NUDT18: variants seen among roughly 807,000 people sequenced by gnomAD.
NUDT18 encodes the protein 8-oxo-dGDP phosphatase NUDT18.
NUDT18 carries 26 observed loss-of-function variants against 27.6 expected under a neutral mutation model. That is an observed-to-expected ratio of 0.94 (90% CI 0.69 to 1.31). The LOEUF (loss-of-function observed/expected upper bound fraction) is 1.31. Among genes scored for constraint, NUDT18 ranks in the 50% most tolerant of loss-of-function variants. NUDT18 has a pLI of 0.00. For synonymous variants in NUDT18, 220 were observed against 196.9 expected (o/e 1.12, Z -0.98); for missense variants, 450 against 433.4 (o/e 1.04, Z -0.34).
chr8:22,107,947 C>G, intron 2 of NUDT18, 52 bp from the exon 3 acceptor site: 1 of 1,445,914 alleles, frequency 6.9e-7, no homozygotes, highest in South Asian at 1.4e-5. Context: ...GAGAGAAGTG[C>G]AGCTCTGGCA....
In NUDT18 at chr8:22,107,790, T is replaced by A. The variant is rs749697648; in HGVS notation, c.482A>T (p.His161Leu). 9.9e-6 allele frequency: 16 copies of A among 1,613,462 alleles called. No homozygotes were observed. In the Admixed American group the frequency reaches 2.7e-4, roughly 27 times the overall value. The change falls in exon 3 of 3, where the codon CAC becomes CTC. Residue 161 changes from histidine (H) to leucine (L), a missense_variant. Coordinates refer to ENST00000611621, the MANE Select transcript of NUDT18 (RefSeq NM_024815.4). The part of the protein sequence containing the change: ...PTPLRAHDIL[H>L]LVELAAQYRQ... Reference sequence around the variant, plus strand: ...ATACTGGGCGGCTAGTTCAACCAGGTGCAGGATGTCATGGGCTCGCAGCGG... The same window carrying A: ...ATACTGGGCGGCTAGTTCAACCAGGAGCAGGATGTCATGGGCTCGCAGCGG...
rs376158822 is a variant in NUDT18 at position 22,107,779 on chromosome 8, G to C, written c.493C>G (p.Leu165Val). Residue 165 changes from leucine (L) to valine (V), a missense_variant, in exon 3 of 3, where the codon CTA becomes GTA. Transcript: ENST00000611621. ...RAHDILHLVELAAQYRQQARH... is the reference protein window; with the variant it reads ...RAHDILHLVEVAAQYRQQARH... ...GCTTGCTGGCGATACTGGGCGGCTA[G>C]TTCAACCAGGTGCAGGATGTCATGG... 1 of 1,613,568 alleles carries C rather than the reference G, an allele frequency of 6.2e-7. No homozygotes were observed. The highest frequency in any genetic ancestry group is 8.5e-7 in the Non-Finnish European group (1 of 1,179,876).
chr8:22,107,626 C>G lies in NUDT18; in HGVS notation c.646G>C (p.Val216Leu), dbSNP rs935308194. 1 of 1,613,150 alleles carries G rather than the reference C, an allele frequency of 6.2e-7. No individual in the cohort carries two copies. The highest frequency in any genetic ancestry group is 8.5e-7 in the Non-Finnish European group (1 of 1,179,842). Residue 216 changes from valine (V) to leucine (L), a missense_variant, in exon 3 of 3, where the codon GTC becomes CTC. Coordinates refer to ENST00000611621, the MANE Select transcript of NUDT18 (RefSeq NM_024815.4). The stretch of plus-strand genomic sequence containing the variant: ...ATAGGGTCGAGGCCACAGGCAGTGA[C>G]AGGCAAGTGAGGCATCCCCACTGTG... ...VGTVGMPHLP[V>L]TACGLDPMEQ...
intron 2 of NUDT18, 70 bp from the exon 3 acceptor site, chr8:22,107,965 C>T: frequency 2.1e-6 from 3 of 1,403,562 alleles, no homozygotes; most frequent in Non-Finnish European, 2.9e-6. Context: ...GCAGAGTCAA[C>T]AGACATCCCT....
Position 22,109,315 on chromosome 8 carries a change from G to T in NUDT18, c.-15C>A, listed in dbSNP as rs1826425066. 2 of 1,344,652 alleles carry T rather than the reference G, an allele frequency of 1.5e-6. No individual in the cohort carries two copies. Among genetic ancestry groups the T allele is most frequent in the African/African-American group, 1.5e-5 (1 of 64,918 alleles). 83.3% of individuals were successfully genotyped at this position (1,344,652 alleles called of 1,614,324 possible). A position where few individuals can be genotyped will look rare whatever the true frequency, so the allele number is the denominator to read the frequency against. ...TCCGAGGCCATCGGGTCCCCCGGGGGGCGGCGGGCCGGATCCTCGCAGACC... is the reference window on the plus strand; with the variant it reads ...TCCGAGGCCATCGGGTCCCCCGGGGTGCGGCGGGCCGGATCCTCGCAGACC... On this transcript the variant is annotated 5_prime_UTR_variant, in exon 1 of 3. Transcript: ENST00000611621.
rs991375210 is a variant in NUDT18, at chr8:22,109,419, G to A, written c.-119C>T. The A allele has an allele frequency of 1.0e-6, 1 of 980,714 alleles. No individual in the cohort carries two copies. The allele number at this position is 980,714 out of a possible 1,614,324, so 60.8% of individuals were successfully genotyped here. Reference sequence around the variant, plus strand: ...GCGGCAGCGGGCCGGGAGCTCACGAGAACGCGGAAGCGCACGCGAACGCGG... The same window carrying A: ...GCGGCAGCGGGCCGGGAGCTCACGAAAACGCGGAAGCGCACGCGAACGCGG... On this transcript the variant is annotated 5_prime_UTR_variant, in exon 1 of 3. Coordinates refer to ENST00000611621, the MANE Select transcript of NUDT18 (RefSeq NM_024815.4).
chr8:22,107,832 C>T lies in NUDT18; in HGVS notation c.440G>A (p.Arg147Gln). Residue 147 changes from arginine to glutamine, a missense_variant, in exon 3 of 3, where the codon CGG (arginine) becomes CAG (glutamine). Arg to Gln is a conservative substitution (Grantham distance 43). Coordinates refer to ENST00000611621, the MANE Select transcript of NUDT18 (RefSeq NM_024815.4). Reference protein sequence around the residue: ...AESLQAAWYPRTSLPTPLRAH... With the variant: ...AESLQAAWYPQTSLPTPLRAH... Reference sequence around the variant, plus strand: ...TCGCAGCGGAGTGGGCAGGGAGGTCCGTGGGTACCAGGCAGCCTGCAGGGA... The same window carrying T: ...TCGCAGCGGAGTGGGCAGGGAGGTCTGTGGGTACCAGGCAGCCTGCAGGGA... The T allele has an allele frequency of 6.2e-7, 1 of 1,610,994 alleles. No homozygotes were observed. The highest frequency in any genetic ancestry group is 8.5e-7 in the Non-Finnish European group (1 of 1,178,552).
chr8:22,107,341 G>T lies in NUDT18; in HGVS notation c.931C>A (p.Gln311Lys), dbSNP rs376403874. The change falls in exon 3 of 3, where the codon CAG (glutamine) becomes AAG (lysine). Residue 311 changes from glutamine (Q) to lysine (K), a missense_variant. By Grantham distance (53) the Gln-to-Lys change is moderately conservative (BLOSUM62 1). Coordinates refer to ENST00000611621, the MANE Select transcript of NUDT18 (RefSeq NM_024815.4). ...ACAACAGAGGATCCCTGAAGCCGCT[G>T]GAGGAGCTGGCTTTGCAGGTCTTCC... Reference protein sequence around the residue: ...MEEDLQSQLLQRLQGSSVVPV... With the variant: ...MEEDLQSQLLKRLQGSSVVPV... 4 of 1,612,690 alleles carry T rather than the reference G, an allele frequency of 2.5e-6. No individual in the cohort carries two copies. The highest frequency in any genetic ancestry group is 2.5e-6 in the Non-Finnish European group (3 of 1,179,394).
rs1470144703 is a variant in NUDT18, at chr8:22,108,294, T to C, written c.215A>G (p.Tyr72Cys). The C allele has an allele frequency of 5.7e-6, 9 of 1,592,572 alleles. No individual in the cohort carries two copies. Among genetic ancestry groups the C allele is most frequent in the African/African-American group, 2.7e-5 (2 of 74,246 alleles). ...EAKRECRGSW[Y>C]LPAGRMEPGE... is the part of the protein sequence containing the mutation. The stretch of plus-strand genomic sequence containing the variant: ...TGGCTCCATTCTCCCCGCAGGCAGG[T>C]ACCACGACCCCCGGCACTCCCTCTT... The change falls in exon 2 of 3, where the codon TAC becomes TGC. Residue 72 changes from tyrosine to cysteine, a missense_variant. Transcript: ENST00000611621.
upstream of NUDT18, chr8:22,109,465 C>G (rs1170859707): frequency 1.7e-6 from 1 of 572,840 alleles, no homozygotes; most frequent in Non-Finnish European, 2.7e-6. Flanking sequence ...GAGCTCTGGC[C>G]GCTGATAGGC....
Position 22,109,350 on chromosome 8 carries a change from G to T in NUDT18, c.-50C>A. 1 of 1,334,346 alleles carries T rather than the reference G, an allele frequency of 7.5e-7. No homozygotes were observed. The highest frequency in any genetic ancestry group is 9.5e-7 in the Non-Finnish European group (1 of 1,047,408). 82.7% of individuals were successfully genotyped at this position (1,334,346 alleles called of 1,614,324 possible). A position where few individuals can be genotyped will look rare whatever the true frequency, so the allele number is the denominator to read the frequency against. On this transcript the variant is annotated 5_prime_UTR_variant, in exon 1 of 3. Transcript: ENST00000611621. ...CGGATCCTCGCAGACCGACTGAGCC[G>T]AGCCGCGGGCTAGAGTGCGCTGCGG... is the stretch of plus-strand genomic sequence containing the variant.
Position 22,109,311 on chromosome 8 carries a change from G to C in NUDT18, c.-11C>G. On this transcript the variant is annotated 5_prime_UTR_variant, in exon 1 of 3. Coordinates refer to ENST00000611621, the MANE Select transcript of NUDT18 (RefSeq NM_024815.4). ...GCCCTCCGAGGCCATCGGGTCCCCC[G>C]GGGGGCGGCGGGCCGGATCCTCGCA... is the stretch of plus-strand genomic sequence containing the variant. 7.4e-7 allele frequency: 1 copy of C among 1,343,296 alleles called. No individual in the cohort carries two copies. The highest frequency in any genetic ancestry group is 9.5e-7 in the Non-Finnish European group (1 of 1,055,088). 83.2% of individuals were successfully genotyped at this position (1,343,296 alleles called of 1,614,324 possible).
Position 22,108,303 on chromosome 8 carries a change from C to T in NUDT18, c.206G>A (p.Gly69Glu). Reference sequence around the variant, plus strand: ...TCTCCCCGCAGGCAGGTACCACGACCCCCGGCACTCCCTCTTGGCCTCCTG... The same window carrying T: ...TCTCCCCGCAGGCAGGTACCACGACTCCCGGCACTCCCTCTTGGCCTCCTG... ...LIQEAKRECR[G>E]SWYLPAGRME... The change falls in exon 2 of 3, where the codon GGG becomes GAG. Residue 69 changes from glycine (G) to glutamate (E), a missense_variant. Transcript: ENST00000611621. 6.3e-7 allele frequency: 1 copy of T among 1,589,330 alleles called. No individual in the cohort carries two copies. Among genetic ancestry groups the T allele is most frequent in the Non-Finnish European group, 8.6e-7 (1 of 1,169,476 alleles).
At position 22,109,401 on chromosome 8, in the gene NUDT18, C is replaced by A. The variant is rs1270584096; in HGVS notation, c.-101G>T. On this transcript the variant is annotated 5_prime_UTR_variant, in exon 1 of 3. Coordinates refer to ENST00000611621, the MANE Select transcript of NUDT18 (RefSeq NM_024815.4). ...AGCCCGCTCCCAGTCCCTGCGGCAG[C>A]GGGCCGGGAGCTCACGAGAACGCGG... 8.7e-7 allele frequency: 1 copy of A among 1,144,930 alleles called. No homozygotes were observed. The highest frequency in any genetic ancestry group is 1.1e-6 in the Non-Finnish European group (1 of 879,136). 70.9% of individuals were successfully genotyped at this position (1,144,930 alleles called of 1,614,324 possible).
chr8:22,109,073 C>G, intron 1 of NUDT18, 66 bp downstream of exon 1: 1 of 1,261,150 alleles, frequency 7.9e-7, no homozygotes, highest in Non-Finnish European at 1.0e-6. Flanking sequence ...GCCGTTGGGT[C>G]TTCTGTCCCC....
At position 22,108,300 on chromosome 8, in the gene NUDT18, G is replaced by A. The variant is rs1162891528; in HGVS notation, c.209C>T (p.Ser70Leu). 1.9e-6 allele frequency: 3 copies of A among 1,590,310 alleles called. No homozygotes were observed. Among genetic ancestry groups the A allele is most frequent in the African/African-American group, 2.7e-5 (2 of 74,164 alleles). Residue 70 changes from serine (S) to leucine (L), a missense_variant, in exon 2 of 3, where the codon TCG (serine) becomes TTG (leucine). Coordinates refer to ENST00000611621, the MANE Select transcript of NUDT18 (RefSeq NM_024815.4). ...IQEAKRECRG[S>L]WYLPAGRMEP... ...CATTCTCCCCGCAGGCAGGTACCACGACCCCCGGCACTCCCTCTTGGCCTC... is the reference window on the plus strand; with the variant it reads ...CATTCTCCCCGCAGGCAGGTACCACAACCCCCGGCACTCCCTCTTGGCCTC...
At chr8:22,109,973 C>G, upstream of NUDT18, 1 of 294,920 alleles carries the variant, frequency 3.4e-6, no homozygotes, top group Middle Eastern at 7.6e-4. Flanking sequence ...GGACGGAGTC[C>G]TAGATGAGGA....
chr8:22,108,455 A>C, intron 1 of NUDT18, 109 bp from the exon 2 acceptor site: 17 of 944,806 alleles, frequency 1.8e-5, no homozygotes, highest in Non-Finnish European at 2.0e-5. Flanking sequence ...GGACACTCTC[A>C]ACCCAGCTAG....
chr8:22,108,106 T>C (rs754554702), intron 2 of NUDT18, 27 bp downstream of exon 2: 62 of 1,477,784 alleles, frequency 4.2e-5, no homozygotes, highest in Non-Finnish European at 5.2e-5. Context: ...ACTGGCCCTG[T>C]TCACACTGCC....
Sources: gnomAD v4.1 joint callset for allele counts on GRCh38, gnomAD v4.1.1 for gene constraint, MANE v1.5 for transcripts, NCBI Gene and HGNC (gene_info 2026-07-23, HGNC 2026-07-21) for gene names.